Variants in MYO18B observed in about 807,000 individuals in gnomAD.
The protein encoded by MYO18B is unconventional myosin-XVIIIb.
In MYO18B, 204 loss-of-function variants were observed where a neutral mutation model predicts 273.0. The observed-to-expected ratio is 0.75, with a 90% CI of 0.67 to 0.84. The LOEUF (loss-of-function observed/expected upper bound fraction) is 0.84, where lower values mean the gene tolerates loss of function less well. Among genes scored for constraint, MYO18B ranks in the 40% least tolerant of loss-of-function variants. The pLI is 0.00. For missense variants in MYO18B, 3,212 were observed against 3,287.6 expected (o/e 0.98, Z 0.56); for synonymous variants, 1,330 against 1,305.7 (o/e 1.02, Z -0.40).
chr22:25,976,106 G>A (rs1161895724), intron 39 of MYO18B, among the ~76,000 whole-genome samples: 2 of 152,148 alleles, frequency 1.3e-5, no homozygotes, highest in Admixed American at 1.3e-4. Context: ...GCACAACTTG[G>A]GTGGGAGGTG....
chr22:25,836,718 T>G (rs548656313), intron 17 of MYO18B, among the ~76,000 whole-genome samples: 1 of 152,088 alleles, frequency 6.6e-6, no homozygotes, highest in Non-Finnish European at 1.5e-5. Flanking sequence ...CACAGCACTT[T>G]GGGAGGCCGA....
At chr22:26,022,389 G>A (rs1470453990) in intron 42 of MYO18B, among the ~76,000 whole-genome samples, 1 of 152,130 alleles carries the variant, frequency 6.6e-6, no homozygotes, top group African/African-American at 2.4e-5. Context: ...CAGAACTTGG[G>A]ATCCTTATCC....
At chr22:25,776,736 G>T (rs950169845) in intron 7 of MYO18B, among the ~76,000 whole-genome samples, 4 of 152,188 alleles carry the variant, frequency 2.6e-5, no homozygotes, top group Non-Finnish European at 5.9e-5. Flanking sequence ...ACATAGAGGG[G>T]TTTTTTGTGA....
chr22:25,764,288 T>A (rs1404696967), intron 3 of MYO18B, among the ~76,000 whole-genome samples: 1 of 152,242 alleles, frequency 6.6e-6, no homozygotes, highest in Non-Finnish European at 1.5e-5. Context: ...TCTCTTGTCC[T>A]CTTTAGCCAT....
intron 12 of MYO18B, among the ~76,000 whole-genome samples, chr22:25,811,426 C>T (rs1013182468): frequency 1.3e-5 from 2 of 152,174 alleles, no homozygotes; most frequent in Non-Finnish European, 2.9e-5. Flanking sequence ...CCAGTGAGGG[C>T]GTCATGCATA....
chr22:25,887,564 G>C (rs1294122021), intron 25 of MYO18B, among the ~76,000 whole-genome samples: 1 of 152,166 alleles, frequency 6.6e-6, no homozygotes, highest in Non-Finnish European at 1.5e-5. Flanking sequence ...ATTGGTTCTT[G>C]AGTAATCTGC....
chr22:25,791,174 T>C (rs2087645139), intron 11 of MYO18B, among the ~76,000 whole-genome samples: 1 of 152,186 alleles, frequency 6.6e-6, no homozygotes, highest in African/African-American at 2.4e-5. Context: ...GATATGTGCC[T>C]GAGTGGAGGT....
intron 40 of MYO18B, among the ~76,000 whole-genome samples, chr22:25,997,027 G>A (rs1313296554): frequency 1.3e-5 from 2 of 152,098 alleles, no homozygotes; most frequent in Admixed American, 1.3e-4. Flanking sequence ...AGTGTGAAGT[G>A]AAAGTGTGAG....
In MYO18B at chr22:26,002,484, G is replaced by A. The variant is rs554093140; in HGVS notation, c.6288-781G>A. On this transcript the variant is annotated intron_variant, in intron 40 of 43. Coordinates refer to ENST00000335473, the MANE Select transcript of MYO18B (RefSeq NM_032608.7). ...GAGGGTGGGAGCCAAGGAGCAGCAGGTGCAGCTCTTAGAGGAAACAGCTTG... is the reference window on the plus strand; with the variant it reads ...GAGGGTGGGAGCCAAGGAGCAGCAGATGCAGCTCTTAGAGGAAACAGCTTG... 3.9e-5 allele frequency among the ~76,000 whole-genome samples: 6 copies of A among 152,308 alleles called. No individual in the cohort carries two copies. In the South Asian group the frequency reaches 6.2e-4, roughly 16 times the overall value.
chr22:25,926,968 A>G (rs1381690368), intron 34 of MYO18B, among the ~76,000 whole-genome samples: 1 of 152,192 alleles, frequency 6.6e-6, no homozygotes, highest in Non-Finnish European at 1.5e-5. Context: ...TAAATTGTAA[A>G]GATTTCATGG....
intron 12 of MYO18B, among the ~76,000 whole-genome samples, chr22:25,817,317 CTTCTT>C (rs367548012): frequency 3.8e-4 from 56 of 148,884 alleles, no homozygotes; most frequent in East Asian, 2.2e-3. Context: ...TCTTTCCCTC[CTTCTT>C]TTCTTTTCTT....
At chr22:25,863,687 TG>T (rs1169280255) in intron 21 of MYO18B, among the ~76,000 whole-genome samples, 2 of 152,198 alleles carry the variant, frequency 1.3e-5, no homozygotes, top group Admixed American at 1.3e-4. Context: ...TGGATCTGTG[TG>T]GGGGTTGGGA....
rs2146442673 is a variant in MYO18B at position 25,921,282 on chromosome 22, A to T, written c.5390A>T (p.Glu1797Val). The T allele has an allele frequency of 6.4e-7, 1 of 1,553,106 alleles. No individual in the cohort carries two copies. Among genetic ancestry groups the T allele is most frequent in the Non-Finnish European group, 8.7e-7 (1 of 1,147,578 alleles). ...ATTGGCCATCGGGACTTTGATGTGG[A>T]GAAGCGACTTCGGAGAGACCTCAGG... ...DQIGHRDFDV[E>V]KRLRRDLRRT... The change falls in exon 34 of 44, where the codon GAG becomes GTG. Residue 1797 changes from glutamate to valine, a missense_variant. By Grantham distance (121) the Glu-to-Val change is moderately radical. Coordinates refer to ENST00000335473, the MANE Select transcript of MYO18B (RefSeq NM_032608.7).
chr22:25,988,505 G>A (rs1454317476), intron 39 of MYO18B, among the ~76,000 whole-genome samples: 1 of 152,078 alleles, frequency 6.6e-6, no homozygotes, highest in Non-Finnish European at 1.5e-5. Flanking sequence ...CCTAACTAAT[G>A]ATGGCTTTCT....
At chr22:26,018,855 C>T (rs1935583047) in intron 42 of MYO18B, among the ~76,000 whole-genome samples, 2 of 152,084 alleles carry the variant, frequency 1.3e-5, no homozygotes. Context: ...GCTTGGGAGG[C>T]TGAGGCAGGA....
At chr22:25,787,393 C>T (rs1336544058) in intron 11 of MYO18B, among the ~76,000 whole-genome samples, 1 of 152,096 alleles carries the variant, frequency 6.6e-6, no homozygotes, top group Non-Finnish European at 1.5e-5. Context: ...GTGCCTTTCT[C>T]ACAAGTTCAC....
chr22:25,890,584 C>A (rs1281480230), intron 25 of MYO18B, among the ~76,000 whole-genome samples, 172 bp from the exon 26 acceptor site: 1 of 152,180 alleles, frequency 6.6e-6, no homozygotes, highest in Non-Finnish European at 1.5e-5. Context: ...GAGTGTTGAA[C>A]CACATCAAGA....
At chr22:25,817,262 T>C (rs1601786292) in intron 12 of MYO18B, among the ~76,000 whole-genome samples, 2 of 151,940 alleles carry the variant, frequency 1.3e-5, no homozygotes, top group East Asian at 1.9e-4. Context: ...TTCTTCTTTT[T>C]CTTTTTCTTC....
rs1295661499 is a variant in MYO18B at position 25,992,424 on chromosome 22, C to T, written c.6218C>T (p.Ser2073Phe). ...RQTLQTDLET[S>F]IRRIADLQAA... ...ACCCTCCAGACAGACCTGGAGACAT[C>T]CATTCGGCGGATTGCCGACCTGCAG... Residue 2073 changes from serine (S) to phenylalanine (F), a missense_variant, in exon 40 of 44, where the codon TCC becomes TTC. Ser to Phe is a radical substitution (Grantham distance 155). Transcript: ENST00000335473. 2 of 1,614,048 alleles carry T rather than the reference C, an allele frequency of 1.2e-6. No homozygotes were observed. The highest frequency in any genetic ancestry group is 4.5e-5 in the East Asian group (2 of 44,876).
Sources: allele counts gnomAD v4.1 joint callset (sites outside exome capture counted in the v4.1 genomes callset), GRCh38; gene constraint gnomAD v4.1.1; transcripts MANE v1.5; gene names NCBI Gene and HGNC (gene_info 2026-07-23, HGNC 2026-07-21).